CELSR1: variants seen among roughly 807,000 people sequenced by gnomAD.
CELSR1 encodes cadherin EGF LAG seven-pass G-type receptor 1.
CELSR1 carries 110 observed loss-of-function variants against 249.1 expected under a neutral mutation model. The ratio of observed to expected loss-of-function variants is 0.44; its 90% confidence interval spans 0.38 to 0.52. The LOEUF is 0.52. CELSR1 is among the 20% of genes least tolerant of loss of function. The pLI, the probability that CELSR1 is intolerant of heterozygous loss-of-function variation, is 0.00. For missense variants in CELSR1, 4,109 were observed against 4,296.4 expected, an observed-to-expected ratio of 0.96 and a Z score of 1.22; for synonymous variants, 2,113 against 1,900.0, an observed-to-expected ratio of 1.11 and a Z score of -2.92.
rs553031168 is a variant in CELSR1, at chr22:46,368,297, T to TC, written c.7953-443dup. ...TGTACAAGGGGAAGACAAAGGCGCA[T>TC]CCCCTCCCAGGGTTCAGAGGGGATG... is the stretch of plus-strand genomic sequence containing the variant. On this transcript the variant is annotated intron_variant, in intron 27 of 34. Transcript: ENST00000674500. Among the ~76,000 whole-genome samples, 144 of 152,028 alleles carry TC rather than the reference T, an allele frequency of 9.5e-4. 4 individuals carry two copies. The South Asian group carries it at 0.015, about 15-fold the overall frequency.
rs2080116215 is a variant in CELSR1 at position 46,468,043 on chromosome 22, G to A, written c.3545-3698C>T. Reference sequence around the variant, plus strand: ...ATGTTCATAGCAGCGCTATTCACAAGAGCTGAAACATGGAAGTGACCTGCG... The same window carrying A: ...ATGTTCATAGCAGCGCTATTCACAAAAGCTGAAACATGGAAGTGACCTGCG... On this transcript the variant is annotated intron_variant, in intron 1 of 34. Coordinates refer to ENST00000674500, the MANE Select transcript of CELSR1 (RefSeq NM_001378328.1). This position sits in a 1 kb window ranked among gnomAD's most constrained non-coding sequence, Gnocchi z 4.5. 6.6e-6 allele frequency among the ~76,000 whole-genome samples: 1 copy of A among 152,056 alleles called. No individual in the cohort carries two copies. The highest frequency in any genetic ancestry group is 6.6e-5 in the Admixed American group (1 of 15,248).
chr22:46,488,711 G>T lies in CELSR1; in HGVS notation c.3545-24366C>A, dbSNP rs1020564752. On this transcript the variant is annotated intron_variant, in intron 1 of 34. Coordinates refer to ENST00000674500, the MANE Select transcript of CELSR1 (RefSeq NM_001378328.1). The surrounding 1 kb of genome is among the most constrained non-coding windows in gnomAD (Gnocchi z 4.7). ...GTCTTGCTCTGTCACCCAGGCTGGA[G>T]TTCAGTGGCGTGATCTCGGCTCACT... Among the ~76,000 whole-genome samples, 2 of 151,472 alleles carry T rather than the reference G, an allele frequency of 1.3e-5. No individual in the cohort carries two copies. Among genetic ancestry groups the T allele is most frequent in the African/African-American group, 4.9e-5 (2 of 41,132 alleles).
In CELSR1 at chr22:46,437,179, GATC is replaced by G; in HGVS notation, c.4407-893_4407-891del. Among the ~76,000 whole-genome samples the G allele has an allele frequency of 6.6e-6, 1 of 152,344 alleles. No homozygotes were observed. Among genetic ancestry groups the G allele is most frequent in the South Asian group, 2.1e-4 (1 of 4,832 alleles). On this transcript the variant is annotated intron_variant, in intron 3 of 34. Coordinates refer to ENST00000674500, the MANE Select transcript of CELSR1 (RefSeq NM_001378328.1). The surrounding 1 kb of genome is among the most constrained non-coding windows in gnomAD (Gnocchi z 4.9). The stretch of plus-strand genomic sequence containing the variant: ...GCAAAAACCACCTGCTCGGGCAGGA[GATC>G]ATCAAATTCTCAGAAATCCTTCTCC...
rs1028427416 is a variant in CELSR1 at position 46,395,677 on chromosome 22, G to C, written c.5843+928C>G. 1.3e-5 allele frequency among the ~76,000 whole-genome samples: 2 copies of C among 152,210 alleles called. No individual in the cohort carries two copies. Among genetic ancestry groups the C allele is most frequent in the Admixed American group, 1.3e-4 (2 of 15,282 alleles). On this transcript the variant is annotated intron_variant, in intron 13 of 34. Transcript: ENST00000674500. The surrounding 1 kb of genome is among the most constrained non-coding windows in gnomAD (Gnocchi z 5.5). The stretch of plus-strand genomic sequence containing the variant: ...CACAGCACCTGCTCTAGGCTCGGGA[G>C]GACAAAGAACGGAGCATAGCAGGTG...
At chr22:46,385,950 T>C (rs1416579417) in intron 19 of CELSR1, among the ~76,000 whole-genome samples, 2 of 149,834 alleles carry the variant, frequency 1.3e-5, no homozygotes, top group African/African-American at 5.0e-5. Context: ...TTGCTGGGAT[T>C]ACAGGCGTGA....
At chr22:46,375,590 C>A (rs1299072036) in intron 24 of CELSR1, among the ~76,000 whole-genome samples, 2 of 148,734 alleles carry the variant, frequency 1.3e-5, no homozygotes, top group Non-Finnish European at 3.0e-5. Context: ...ATTGTCCAGG[C>A]CAGAGTGCAG....
intron 1 of CELSR1, among the ~76,000 whole-genome samples, chr22:46,502,952 G>C (rs1281807066): frequency 6.6e-6 from 1 of 152,176 alleles, no homozygotes; most frequent in Non-Finnish European, 1.5e-5. Flanking sequence ...CCGGGAGCAG[G>C]TCCCCGCAGG....
chr22:46,397,589 C>G, intron 12 of CELSR1, 85 bp downstream of exon 12: 1 of 1,265,116 alleles, frequency 7.9e-7, no homozygotes, highest in Non-Finnish European at 1.0e-6. Context: ...GCTGGGGACG[C>G]TAATGTCTAA....
Position 46,411,610 on chromosome 22 carries a change from G to C in CELSR1, c.4761C>G (p.Gly1587=). ...CCTCCTGGGATGCTCACTTCTTGGA[G>C]CCGGTCTGAGTGCCCTGGGCAGCGC... The part of the protein sequence containing the change: ...YSCAAQGTQT[G]SKKSLDLTGP... The change falls in exon 6 of 35, where the codon GGC becomes GGG. Residue 1587 remains glycine (G), a synonymous_variant. Coordinates refer to ENST00000674500, the MANE Select transcript of CELSR1 (RefSeq NM_001378328.1). The surrounding 1 kb of genome is among the most constrained non-coding windows in gnomAD (Gnocchi z 4.2). 3 of 1,614,140 alleles carry C rather than the reference G, an allele frequency of 1.9e-6. No homozygotes were observed. Among genetic ancestry groups the C allele is most frequent in the Non-Finnish European group, 2.5e-6 (3 of 1,180,018 alleles).
intron 22 of CELSR1, 88 bp from the exon 23 acceptor site, chr22:46,378,805 G>C: frequency 6.7e-7 from 1 of 1,503,404 alleles, no homozygotes; most frequent in Non-Finnish European, 9.0e-7. Context: ...AGCCCTGGGG[G>C]CTCCCAGGCC....
rs766247739 is a variant in CELSR1 at position 46,534,827 on chromosome 22, C to T, written c.2344G>A (p.Ala782Thr). Residue 782 changes from alanine to threonine, a missense_variant, in exon 1 of 35, where the codon GCC becomes ACC. Transcript: ENST00000674500. This position sits in a 1 kb window ranked among gnomAD's most constrained non-coding sequence, Gnocchi z 9.7. ...TGAAAGACAGGCCTGTGGGTGTTGGCATCAGTGACGTTGATTAGGACATGC... is the reference window on the plus strand; with the variant it reads ...TGAAAGACAGGCCTGTGGGTGTTGGTATCAGTGACGTTGATTAGGACATGC... Reference protein sequence around the residue: ...TAHVLINVTDANTHRPVFQSS... With the variant: ...TAHVLINVTDTNTHRPVFQSS... 6.2e-7 allele frequency: 1 copy of T among 1,613,028 alleles called. No individual in the cohort carries two copies. The highest frequency in any genetic ancestry group is 1.1e-5 in the South Asian group (1 of 91,088).
intron 25 of CELSR1, 21 bp from the exon 26 acceptor site, chr22:46,369,825 G>A (rs376290562): frequency 6.2e-7 from 1 of 1,609,262 alleles, no homozygotes; most frequent in Admixed American, 1.7e-5. Flanking sequence ...CGGGGAGGAA[G>A]GGAAGGGTGA....
At chr22:46,450,367 C>G (rs572409212) in intron 2 of CELSR1, among the ~76,000 whole-genome samples, 1 of 152,366 alleles carries the variant, frequency 6.6e-6, no homozygotes, top group East Asian at 1.9e-4. Context: ...CATGGCGTCC[C>G]AACAGCTCAG....
rs1236923721 is a variant in CELSR1 at position 46,430,470 on chromosome 22, C to CA, written c.4611+2922dup. Among the ~76,000 whole-genome samples the CA allele has an allele frequency of 6.6e-6, 1 of 152,080 alleles. No homozygotes were observed. The highest frequency in any genetic ancestry group is 1.5e-5 in the Non-Finnish European group (1 of 68,010). On this transcript the variant is annotated intron_variant, in intron 5 of 34. Transcript: ENST00000674500. The surrounding 1 kb of genome is among the most constrained non-coding windows in gnomAD (Gnocchi z 4.6). ...CCTCGGCAGTGTCACCCACCACCCT[C>CA]AAGATCACCCTTGCAGCCCCAGCCC... is the stretch of plus-strand genomic sequence containing the variant.
At chr22:46,364,863 A>G (rs1424020387) in intron 32 of CELSR1, 127 bp from the exon 33 acceptor site, 3 of 978,130 alleles carry the variant, frequency 3.1e-6, no homozygotes, top group African/African-American at 1.6e-5. Flanking sequence ...GCTGAACCCT[A>G]AAGGTGGGGA....
rs1392049240 is a variant in CELSR1 at position 46,512,337 on chromosome 22, A to G, written c.3544+21290T>C. 6.6e-6 allele frequency among the ~76,000 whole-genome samples: 1 copy of G among 152,002 alleles called. No individual in the cohort carries two copies. The highest frequency in any genetic ancestry group is 2.4e-5 in the African/African-American group (1 of 41,270). On this transcript the variant is annotated intron_variant, in intron 1 of 34. Transcript: ENST00000674500. The surrounding 1 kb of genome is among the most constrained non-coding windows in gnomAD (Gnocchi z 5.2). ...TGTAATCCCAGCACTTTGGGAGGCC[A>G]AGGCAGGCGGATCACATGAGGTCAG...
In CELSR1 at chr22:46,373,815, G is replaced by A. The variant is rs995904941; in HGVS notation, c.7585-758C>T. On this transcript the variant is annotated intron_variant, in intron 24 of 34. Transcript: ENST00000674500. Reference sequence around the variant, plus strand: ...CTCTGGACACACTGTCTAATCCTCAGCAGCCATCCCATCAGTCCACCCTAC... The same window carrying A: ...CTCTGGACACACTGTCTAATCCTCAACAGCCATCCCATCAGTCCACCCTAC... Among the ~76,000 whole-genome samples, 3 of 152,088 alleles carry A rather than the reference G, an allele frequency of 2.0e-5. No individual in the cohort carries two copies. The East Asian group carries it at 5.8e-4, about 29-fold the overall frequency.
intron 1 of CELSR1, among the ~76,000 whole-genome samples, chr22:46,474,363 A>T (rs118108848): frequency 2.5e-3 from 376 of 152,114 alleles, no homozygotes; most frequent in Non-Finnish European, 4.0e-3. Context: ...CACCACTGCC[A>T]TCCCCTCGGG....
In CELSR1 at chr22:46,534,160, AGTT is replaced by A; in HGVS notation, c.3008_3010del (p.Glu1003_Leu1004delinsVal). The A allele has an allele frequency of 1.9e-6, 3 of 1,613,874 alleles. No individual in the cohort carries two copies. Among genetic ancestry groups the A allele is most frequent in the Non-Finnish European group, 2.5e-6 (3 of 1,180,022 alleles). Reference sequence around the variant, plus strand: ...GTTGTTCTCCTCAACAAACAGCTCCAGTTCGTCCTTCTCAAACATGGGGGCATT... The same window carrying A: ...GTTGTTCTCCTCAACAAACAGCTCCACGTCCTTCTCAAACATGGGGGCATT... On this transcript the variant is annotated inframe_deletion, in exon 1 of 35. Coordinates refer to ENST00000674500, the MANE Select transcript of CELSR1 (RefSeq NM_001378328.1). The surrounding 1 kb of genome is among the most constrained non-coding windows in gnomAD (Gnocchi z 9.7).
Sources: gnomAD v4.1 joint callset for allele counts (sites outside exome capture counted in the v4.1 genomes callset) on GRCh38, gnomAD v4.1.1 for gene constraint, Gnocchi (gnomAD v3.1) non-coding constraint, MANE v1.5 for transcripts, NCBI Gene and HGNC (gene_info 2026-07-23, HGNC 2026-07-21) for gene names.